The following ZC3H6 variants were observed in gnomAD, a reference collection of about 807,000 sequenced individuals.
ZC3H6 encodes zinc finger CCCH-type containing 6.
In ZC3H6, 40 loss-of-function variants were observed where a neutral mutation model predicts 107.7. The ratio of observed to expected loss-of-function variants is 0.37; its 90% CI spans 0.29 to 0.48. The LOEUF (loss-of-function observed/expected upper bound fraction) is 0.48. Ranked by LOEUF, ZC3H6 falls within the 20% of genes least tolerant of loss-of-function variation. The probability of loss-of-function intolerance (pLI) is 0.98; values close to 1 mark genes in which losing one functional copy is unlikely to be tolerated. For synonymous variants in ZC3H6, 493 were observed against 487.9 expected (o/e 1.01, Z -0.14); for missense variants, 1,267 against 1,410.4 (o/e 0.90, Z 1.63).
rs1423399894 is a variant in ZC3H6 at position 112,325,051 on chromosome 2, G to A, written c.1940G>A (p.Ser647Asn). The A allele has an allele frequency of 2.5e-6, 4 of 1,613,730 alleles. No homozygotes were observed. Among genetic ancestry groups the A allele is most frequent in the African/African-American group, 1.3e-5 (1 of 74,926 alleles). ...CATGGGAGTGGGTCTGATGGCAGCA[G>A]CACTAGGACAGGCCATGGCCCTCTG... ...PNHGSGSDGS[S>N]TRTGHGPLPV... The change falls in exon 11 of 12, where the codon AGC (serine) becomes AAC (asparagine). Residue 647 changes from serine to asparagine, a missense_variant. Physicochemically the swap from Ser to Asn is conservative, Grantham distance 46. Transcript: ENST00000409871.
intron 1 of ZC3H6, among the ~76,000 whole-genome samples, chr2:112,298,028 C>T (rs981351234): frequency 5.9e-5 from 9 of 152,112 alleles, no homozygotes; most frequent in Admixed American, 2.0e-4. Flanking sequence ...GCACGAGAAT[C>T]GCTTGAACCT....
chr2:112,282,960 A>G (rs937013037), intron 1 of ZC3H6, among the ~76,000 whole-genome samples: 3 of 152,062 alleles, frequency 2.0e-5, no homozygotes, highest in South Asian at 2.1e-4. Flanking sequence ...TTCCTTTTTC[A>G]CTGCTTCCAT....
intron 1 of ZC3H6, among the ~76,000 whole-genome samples, chr2:112,296,602 G>C (rs2104703170): frequency 6.6e-6 from 1 of 152,250 alleles, no homozygotes; most frequent in Non-Finnish European, 1.5e-5. Context: ...TGCCAAGACT[G>C]CCTCATAAGC....
chr2:112,293,456 T>C (rs1676158483), intron 1 of ZC3H6, among the ~76,000 whole-genome samples: 1 of 152,224 alleles, frequency 6.6e-6, no homozygotes, highest in African/African-American at 2.4e-5. Context: ...TTGATACTCA[T>C]CAGATTTTAC....
chr2:112,303,750 G>A (rs763443611), intron 3 of ZC3H6, among the ~76,000 whole-genome samples: 72 of 152,166 alleles, frequency 4.7e-4, no homozygotes, highest in Non-Finnish European at 1.0e-3. Flanking sequence ...ATAATATTCC[G>A]TTGTGTGTAT....
At chr2:112,313,908 C>T (rs1277531894) in intron 5 of ZC3H6, among the ~76,000 whole-genome samples, 1 of 152,090 alleles carries the variant, frequency 6.6e-6, no homozygotes, top group Admixed American at 6.6e-5. Context: ...AGAGTAGTCA[C>T]AAAGAAGCAA....
intron 3 of ZC3H6, among the ~76,000 whole-genome samples, chr2:112,304,067 C>T (rs1187228368): frequency 6.6e-6 from 1 of 152,180 alleles, no homozygotes; most frequent in Non-Finnish European, 1.5e-5. Context: ...AATACATTTA[C>T]ATTATTTACA....
intron 11 of ZC3H6, among the ~76,000 whole-genome samples, chr2:112,328,197 G>A (rs534859984): frequency 6.6e-6 from 1 of 152,148 alleles, no homozygotes; most frequent in East Asian, 1.9e-4. Context: ...CAGCTTATGT[G>A]TCTGTTTTTA....
At position 112,275,985 on chromosome 2, in the gene ZC3H6, T is replaced by C; in HGVS notation, c.-10T>C. 1 of 1,536,518 alleles carries C rather than the reference T, an allele frequency of 6.5e-7. No homozygotes were observed. The highest frequency in any genetic ancestry group is 1.9e-4 in the Middle Eastern group (1 of 5,252). ...CCTGCCCTCCAGCCCCGCCCCGTTCTTGACCAAACATGACAGACTCTGAAC... is the reference window on the plus strand; with the variant it reads ...CCTGCCCTCCAGCCCCGCCCCGTTCCTGACCAAACATGACAGACTCTGAAC... On this transcript the variant is annotated 5_prime_UTR_variant, in exon 1 of 12. Coordinates refer to ENST00000409871, the MANE Select transcript of ZC3H6 (RefSeq NM_198581.3).
At chr2:112,288,228 T>TTTTTTTAAA (rs1204136702) in intron 1 of ZC3H6, among the ~76,000 whole-genome samples, 1 of 152,098 alleles carries the variant, frequency 6.6e-6, no homozygotes, top group Non-Finnish European at 1.5e-5. Context: ...TTAAACCTAT[T>TTTTTTTAAA]CCAGATAATT....
At chr2:112,289,461 A>T (rs1465531762) in intron 1 of ZC3H6, among the ~76,000 whole-genome samples, 4 of 150,260 alleles carry the variant, frequency 2.7e-5, no homozygotes, top group African/African-American at 9.9e-5. Context: ...AGTAGCTGGG[A>T]TTACAGGCGC....
chr2:112,289,526 C>T (rs977441344), intron 1 of ZC3H6, among the ~76,000 whole-genome samples: 30 of 151,074 alleles, frequency 2.0e-4, no homozygotes, highest in African/African-American at 6.4e-4. Flanking sequence ...GGGGTTTCAC[C>T]GTGTTAGCCA....
In ZC3H6 at chr2:112,324,333, C is replaced by T. The variant is rs1303671654; in HGVS notation, c.1522C>T (p.Pro508Ser). 1 of 1,614,008 alleles carries T rather than the reference C, an allele frequency of 6.2e-7. No individual in the cohort carries two copies. Among genetic ancestry groups the T allele is most frequent in the Non-Finnish European group, 8.5e-7 (1 of 1,179,876 alleles). Residue 508 changes from proline to serine, a missense_variant, in exon 10 of 12, where the codon CCT becomes TCT. Pro to Ser is a moderately conservative substitution (Grantham distance 74). This residue lies in a region of ZC3H6 where 925 missense variants were observed against 1,025.7 expected (regional missense o/e 0.90). Coordinates refer to ENST00000409871, the MANE Select transcript of ZC3H6 (RefSeq NM_198581.3). ...SPGHHPCAGP[P>S]GLPVPQSPPL... ...TGGACATCACCCATGTGCAGGACCT[C>T]CTGGTCTACCAGTGCCACAGAGCCC...
chr2:112,285,359 ATT>A (rs757580470), intron 1 of ZC3H6, among the ~76,000 whole-genome samples: 4 of 144,732 alleles, frequency 2.8e-5, no homozygotes, highest in African/African-American at 5.0e-5. Context: ...TACTGAGTAA[ATT>A]TTTTTTTTTT....
chr2:112,301,591 TAAAAG>T (rs1267953134), intron 2 of ZC3H6, among the ~76,000 whole-genome samples: 1 of 151,844 alleles, frequency 6.6e-6, no homozygotes, highest in African/African-American at 2.4e-5. Flanking sequence ...TATTGTAAGA[TAAAAG>T]AGAATAATGG....
rs781107818 is a variant in ZC3H6 at position 112,311,840 on chromosome 2, G to A, written c.650G>A (p.Arg217His). ...AGAGTTAAAAGTTTTAATGTTGGTC[G>A]TGGACGTGGCTTGCCGAAGAAAATC... ...EQRVKSFNVG[R>H]GRGLPKKIKR... Residue 217 changes from arginine (R) to histidine (H), a missense_variant, in exon 5 of 12, where the codon CGT (arginine) becomes CAT (histidine). This residue lies in a region of ZC3H6 where 337 missense variants were observed against 361.2 expected (regional missense o/e 0.93). Coordinates refer to ENST00000409871, the MANE Select transcript of ZC3H6 (RefSeq NM_198581.3). 3 of 1,613,270 alleles carry A rather than the reference G, an allele frequency of 1.9e-6. No individual in the cohort carries two copies. Among genetic ancestry groups the A allele is most frequent in the South Asian group, 1.1e-5 (1 of 90,962 alleles).
intron 1 of ZC3H6, among the ~76,000 whole-genome samples, chr2:112,290,445 T>C (rs1464103363): frequency 6.6e-6 from 1 of 152,272 alleles, no homozygotes; most frequent in African/African-American, 2.4e-5. Flanking sequence ...TTTCCCCTGT[T>C]GTGTGTGCTC....
chr2:112,335,007 G>A lies in ZC3H6; in HGVS notation c.*2519G>A, dbSNP rs901757841. 1 of 152,490 alleles carries A rather than the reference G, an allele frequency of 6.6e-6. No individual in the cohort carries two copies. Among genetic ancestry groups the A allele is most frequent in the Non-Finnish European group, 1.5e-5 (1 of 68,030 alleles). 9.4% of individuals were successfully genotyped at this position (152,490 alleles called of 1,614,324 possible). ...TGTAACTTAGCTATTCATACTGTTT[G>A]TGATGGAAATTCTATACCTGTTTAC... On this transcript the variant is annotated 3_prime_UTR_variant, in exon 12 of 12. Coordinates refer to ENST00000409871, the MANE Select transcript of ZC3H6 (RefSeq NM_198581.3).
In ZC3H6 at chr2:112,275,614, C is replaced by G. The variant is rs981762130; in HGVS notation, c.-381C>G. 8.7e-5 allele frequency: 35 copies of G among 401,292 alleles called. No homozygotes were observed. Among genetic ancestry groups the G allele is most frequent in the African/African-American group, 6.2e-4 (30 of 48,746 alleles). 24.9% of individuals were successfully genotyped at this position (401,292 alleles called of 1,614,324 possible). On this transcript the variant is annotated 5_prime_UTR_variant, in exon 1 of 12. Transcript: ENST00000409871. ...CGGCCGGCGCCATTTTCTCGAGCCGCCTGTTTCGGGTGCCGCCATGTTGGT... is the reference window on the plus strand; with the variant it reads ...CGGCCGGCGCCATTTTCTCGAGCCGGCTGTTTCGGGTGCCGCCATGTTGGT...
Sources: allele counts gnomAD v4.1 joint callset (sites outside exome capture counted in the v4.1 genomes callset), GRCh38; gene constraint gnomAD v4.1.1; regional missense constraint gnomAD v4.1.1; transcripts MANE v1.5; gene names NCBI Gene and HGNC (gene_info 2026-07-23, HGNC 2026-07-21).